The following SCAF11 variants were observed in gnomAD, a reference collection of about 807,000 sequenced individuals.
SCAF11 encodes the protein protein SCAF11.
In SCAF11, 47 loss-of-function variants were observed where a neutral mutation model predicts 140.5. The observed-to-expected ratio is 0.33, with a 90% confidence interval of 0.26 to 0.43. The LOEUF (loss-of-function observed/expected upper bound fraction) is 0.43, where lower values mean the gene tolerates loss of function less well. SCAF11 is among the 20% of genes least tolerant of loss of function. SCAF11 has a pLI of 1.00. For synonymous variants in SCAF11, 557 were observed against 579.4 expected, an observed-to-expected ratio of 0.96 and a Z score of 0.55; for missense variants, 1,645 against 1,705.1, an observed-to-expected ratio of 0.96 and a Z score of 0.62.
chr12:45,942,700 T>G (rs1418048117), intron 6 of SCAF11, among the ~76,000 whole-genome samples: 1 of 152,190 alleles, frequency 6.6e-6, no homozygotes, highest in Non-Finnish European at 1.5e-5. Flanking sequence ...ACTTCTTACT[T>G]CTTGAAGGTC....
chr12:45,964,806 T>C (rs990910311), intron 1 of SCAF11, among the ~76,000 whole-genome samples: 14 of 152,180 alleles, frequency 9.2e-5, no homozygotes, highest in African/African-American at 3.1e-4. Context: ...TCAGAGAATG[T>C]GATAGGTTAG....
rs1946573897 is a variant in SCAF11 at position 45,990,530 on chromosome 12, C to G, written c.-199G>C. 4 of 1,231,758 alleles carry G rather than the reference C, an allele frequency of 3.2e-6. No individual in the cohort carries two copies. The allele number at this position is 1,231,758 out of a possible 1,614,324, so 76.3% of individuals were successfully genotyped here. ...CCGGAGGCGGCGGCGAAGCAGGGAG[C>G]GACCCAGGTTGCGCTGCTCCGCGCG... is the stretch of plus-strand genomic sequence containing the variant. On this transcript the variant is annotated 5_prime_UTR_variant, in exon 1 of 15. Coordinates refer to ENST00000369367, the MANE Select transcript of SCAF11 (RefSeq NM_004719.3).
At chr12:45,924,043 G>T (rs1944781841) in intron 12 of SCAF11, among the ~76,000 whole-genome samples, 1 of 152,062 alleles carries the variant, frequency 6.6e-6, no homozygotes, top group Admixed American at 6.6e-5. Context: ...TAGAGGCAGG[G>T]TTTCACCATG....
At chr12:45,975,875 T>C (rs1946221173) in intron 1 of SCAF11, 2 of 152,074 alleles carry the variant, frequency 1.3e-5, no homozygotes, top group Admixed American at 6.5e-5. Context: ...ATTACAATAA[T>C]AACACTAAAG....
chr12:45,939,155 G>A, intron 6 of SCAF11, among the ~76,000 whole-genome samples: 1 of 150,946 alleles, frequency 6.6e-6, no homozygotes, highest in African/African-American at 2.4e-5. Flanking sequence ...GTGTTTTAAT[G>A]GTAAAAACTG....
At chr12:45,967,580 G>T (rs1369921843) in intron 1 of SCAF11, among the ~76,000 whole-genome samples, 1 of 152,182 alleles carries the variant, frequency 6.6e-6, no homozygotes, top group Admixed American at 6.5e-5. Flanking sequence ...GGAGGCGGAG[G>T]TTGCAGTGAA....
chr12:45,976,304 AG>A (rs1456880825), intron 1 of SCAF11, among the ~76,000 whole-genome samples: 1 of 152,182 alleles, frequency 6.6e-6, no homozygotes. Context: ...CATTTCAAGA[AG>A]GGTGAGTAAA....
chr12:45,990,042 G>A (rs1304817127), intron 1 of SCAF11, among the ~76,000 whole-genome samples: 1 of 151,016 alleles, frequency 6.6e-6, no homozygotes, highest in Non-Finnish European at 1.5e-5. Flanking sequence ...GGCGGGAGAC[G>A]CGTAGGCCAC....
At position 45,921,983 on chromosome 12, in the gene SCAF11, A is replaced by C. The variant is rs985050184; in HGVS notation, c.*65T>G. ...TCACAGTTATGTATGATTTTCAGTT[A>C]ATGGTACATGTTGAAATTGCACTTT... On this transcript the variant is annotated 3_prime_UTR_variant, in exon 15 of 15. Transcript: ENST00000369367. 5 of 1,514,030 alleles carry C rather than the reference A, an allele frequency of 3.3e-6. No individual in the cohort carries two copies. Among genetic ancestry groups the C allele is most frequent in the Non-Finnish European group, 4.4e-6 (5 of 1,124,416 alleles). 93.8% of individuals were successfully genotyped at this position (1,514,030 alleles called of 1,614,324 possible). A position where few individuals can be genotyped will look rare whatever the true frequency, so the allele number is the denominator to read the frequency against.
At chr12:45,991,911 C>T, upstream of SCAF11, 1 of 1,287,280 alleles carries the variant, frequency 7.8e-7, no homozygotes, top group South Asian at 1.2e-5. Context: ...TTCAGCCGCG[C>T]GCTCACACGT....
chr12:45,946,915 T>G (rs747740724), intron 5 of SCAF11, among the ~76,000 whole-genome samples: 3 of 152,074 alleles, frequency 2.0e-5, no homozygotes, highest in Non-Finnish European at 2.9e-5. Flanking sequence ...ATATACAAAG[T>G]TTTATGTCTG....
intron 1 of SCAF11, among the ~76,000 whole-genome samples, chr12:45,988,253 T>A (rs1267827896): frequency 6.6e-6 from 1 of 152,240 alleles, no homozygotes; most frequent in Non-Finnish European, 1.5e-5. Flanking sequence ...TGAAAATTAT[T>A]CTACAGTTGA....
chr12:45,945,055 A>C, intron 6 of SCAF11, 194 bp downstream of exon 6: 1 of 551,820 alleles, frequency 1.8e-6, no homozygotes, highest in South Asian at 2.4e-5. Context: ...TAAGAGGAGC[A>C]AGAAGGAAAA....
intron 5 of SCAF11, among the ~76,000 whole-genome samples, chr12:45,947,243 T>C (rs1196803933): frequency 1.3e-5 from 2 of 152,168 alleles, no homozygotes; most frequent in Non-Finnish European, 2.9e-5. Context: ...TTCAAATGTA[T>C]TAGAACAAGT....
At position 45,990,478 on chromosome 12, in the gene SCAF11, C is replaced by CAGA; in HGVS notation, c.-148_-147insTCT. 1 of 1,232,010 alleles carries CAGA rather than the reference C, an allele frequency of 8.1e-7. No individual in the cohort carries two copies. The highest frequency in any genetic ancestry group is 1.0e-6 in the Non-Finnish European group (1 of 988,214). The allele number at this position is 1,232,010 out of a possible 1,614,324, so 76.3% of individuals were successfully genotyped here. A position where few individuals can be genotyped will look rare whatever the true frequency, so the allele number is the denominator to read the frequency against. On this transcript the variant is annotated 5_prime_UTR_variant, in exon 1 of 15. Coordinates refer to ENST00000369367, the MANE Select transcript of SCAF11 (RefSeq NM_004719.3). The stretch of plus-strand genomic sequence containing the variant: ...TCCGCTTTGTGGTGTTACAGGGTCT[C>CAGA]TAGGACACTGACTCCGCTGGCTCGG...
At chr12:45,990,247 T>C (rs10785594) in intron 1 of SCAF11, 106 bp downstream of exon 1, 576,081 of 1,224,466 alleles carry the variant, frequency 0.47, 140,169 homozygotes, top group South Asian at 0.52. Flanking sequence ...TTGTCAGCCC[T>C]CGCGTCGCCC....
At chr12:45,981,753 C>T (rs1411059586) in intron 1 of SCAF11, among the ~76,000 whole-genome samples, 1 of 152,036 alleles carries the variant, frequency 6.6e-6, no homozygotes, top group Non-Finnish European at 1.5e-5. Context: ...TATGGCCATC[C>T]CATAGCATTC....
At chr12:45,951,819 ATCTC>A in intron 3 of SCAF11, 92 bp from the exon 4 acceptor site, 2 of 838,066 alleles carry the variant, frequency 2.4e-6, no homozygotes, top group East Asian at 5.6e-5. Flanking sequence ...AATTATTTTT[ATCTC>A]TATCTTCGAA....
Position 45,931,608 on chromosome 12 carries a change from C to A in SCAF11, c.739G>T (p.Gly247Cys). 6.7e-7 allele frequency: 1 copy of A among 1,484,200 alleles called. No homozygotes were observed. 91.9% of individuals were successfully genotyped at this position (1,484,200 alleles called of 1,614,324 possible). A position where few individuals can be genotyped will look rare whatever the true frequency, so the allele number is the denominator to read the frequency against. The part of the protein sequence containing the change: ...PDTLPGIGRI[G>C]FIPWNVETEV... ...GTTTCAACATTCCAGGGTATAAAAC[C>A]AATTCTGAAAACATAATAAAGACAT... Residue 247 changes from glycine (G) to cysteine (C), a missense_variant, in exon 10 of 15, where the codon GGT becomes TGT. By Grantham distance (159) the Gly-to-Cys change is radical (BLOSUM62 -3). Around this residue, in one of 2 missense-constraint regions of SCAF11, gnomAD observed 1,582 missense variants for 1,609.2 expected, o/e 0.98. Coordinates refer to ENST00000369367, the MANE Select transcript of SCAF11 (RefSeq NM_004719.3).
Sources: gnomAD v4.1 joint callset for allele counts (sites outside exome capture counted in the v4.1 genomes callset) on GRCh38, gnomAD v4.1.1 for gene constraint, gnomAD v4.1.1 regional missense constraint, MANE v1.5 for transcripts, NCBI Gene and HGNC (gene_info 2026-07-23, HGNC 2026-07-21) for gene names.